PCDHGA5: variants seen among roughly 807,000 people sequenced by gnomAD.
PCDHGA5 encodes protocadherin gamma-A5.
PCDHGA5 carries 36 observed loss-of-function variants against 56.7 expected under a neutral mutation model. The ratio of observed to expected loss-of-function variants is 0.64; its 90% CI spans 0.49 to 0.84. The LOEUF is 0.84. Among genes scored for constraint, PCDHGA5 ranks in the 40% least tolerant of loss-of-function variants. PCDHGA5 has a pLI of 0.00. For synonymous variants in PCDHGA5, 563 were observed against 520.2 expected (o/e 1.08, Z -1.12); for missense variants, 1,305 against 1,201.5 (o/e 1.09, Z -1.27).
chr5:141,395,459 T>C (rs2093235244), intron 1 of PCDHGA5: 1 of 602,046 alleles, frequency 1.7e-6, no homozygotes, highest in African/African-American at 1.9e-5. Context: ...TCAACCATTT[T>C]AAGCCTTCCA....
chr5:141,453,111 G>A (rs1040339344), intron 1 of PCDHGA5, among the ~76,000 whole-genome samples: 5 of 151,718 alleles, frequency 3.3e-5, no homozygotes, highest in Non-Finnish European at 5.9e-5. Flanking sequence ...TTTTTGTTTT[G>A]TTTTGTTTTG....
intron 1 of PCDHGA5, chr5:141,384,947 G>A: frequency 6.2e-7 from 1 of 1,614,100 alleles, no homozygotes; most frequent in Non-Finnish European, 8.5e-7. Context: ...CCCTCCGACG[G>A]TCCTTACAAC....
At position 141,485,321 on chromosome 5, in the gene PCDHGA5, C is replaced by G. The variant is rs780179631; in HGVS notation, c.2422-9486C>G. The G allele has an allele frequency of 6.2e-7, 1 of 1,614,154 alleles. No homozygotes were observed. Among genetic ancestry groups the G allele is most frequent in the Non-Finnish European group, 8.5e-7 (1 of 1,180,024 alleles). On this transcript the variant is annotated intron_variant, in intron 1 of 3. Transcript: ENST00000518069. This position sits in a 1 kb window ranked among gnomAD's most constrained non-coding sequence, Gnocchi z 5.7. The stretch of plus-strand genomic sequence containing the variant: ...AGGGACTTTTGTAGGGAATGTCGCT[C>G]AAGATTTCCTGCTGGATACGGACAG...
At chr5:141,428,105 G>T in intron 1 of PCDHGA5, 4 of 1,608,184 alleles carry the variant, frequency 2.5e-6, no homozygotes, top group Non-Finnish European at 2.5e-6. Context: ...ACCACGTGCT[G>T]CAGGCCATCG....
chr5:141,441,692 G>A (rs1165171238), intron 1 of PCDHGA5: 2 of 301,376 alleles, frequency 6.6e-6, no homozygotes, highest in Non-Finnish European at 1.3e-5. Context: ...AAGAGCAGCC[G>A]CGAGCCTTCA....
At chr5:141,395,264 A>G in intron 1 of PCDHGA5, 1 of 1,549,832 alleles carries the variant, frequency 6.5e-7, no homozygotes, top group Non-Finnish European at 8.7e-7. Flanking sequence ...GCTTGCTTTT[A>G]ATTTCCAGAT....
intron 1 of PCDHGA5, chr5:141,377,922 C>A (rs1453139299): frequency 6.6e-6 from 1 of 152,166 alleles, no homozygotes; most frequent in East Asian, 1.9e-4. Context: ...TAAAAATCCA[C>A]CTGTAACTGC....
At chr5:141,416,362 G>A (rs562901653) in intron 1 of PCDHGA5, 4 of 152,306 alleles carry the variant, frequency 2.6e-5, no homozygotes, top group African/African-American at 7.2e-5. Flanking sequence ...GGAGGCTATA[G>A]AGGGTGAAAT....
chr5:141,393,080 G>A (rs747012880), intron 1 of PCDHGA5: 1 of 1,613,694 alleles, frequency 6.2e-7, no homozygotes, highest in Non-Finnish European at 8.5e-7. Flanking sequence ...CCGCGGGCAG[G>A]ATAGATCGGG....
At position 141,432,003 on chromosome 5, in the gene PCDHGA5, T is replaced by A; in HGVS notation, c.2422-62804T>A. On this transcript the variant is annotated intron_variant, in intron 1 of 3. Coordinates refer to ENST00000518069, the MANE Select transcript of PCDHGA5 (RefSeq NM_018918.3). This position sits in a 1 kb window ranked among gnomAD's most constrained non-coding sequence, Gnocchi z 6.0. ...GACATAGTCTTGGATAGGGAACAGG[T>A]TCCTAGCTACAACATCACAGTGACC... The A allele has an allele frequency of 6.2e-7, 1 of 1,614,116 alleles. No individual in the cohort carries two copies.
rs758216080 is a variant in PCDHGA5, at chr5:141,398,809, C to A, written c.2421+32058C>A. 1.3e-5 allele frequency: 21 copies of A among 1,613,854 alleles called. No individual in the cohort carries two copies. In the South Asian group the frequency reaches 2.1e-4, roughly 16 times the overall value. On this transcript the variant is annotated intron_variant, in intron 1 of 3. Coordinates refer to ENST00000518069, the MANE Select transcript of PCDHGA5 (RefSeq NM_018918.3). ...TCCACCCCTAAGCGGCACCACTGAG[C>A]TCCGGATCCAGGTAACCGACGCCAA...
In PCDHGA5 at chr5:141,365,027, C is replaced by G; in HGVS notation, c.697C>G (p.Leu233Val). ...SGTTHIRVTV[L>V]DANDNAPLFT... ...CACCACGCACATCCGTGTTACGGTC[C>G]TCGACGCAAACGACAATGCGCCCCT... Residue 233 changes from leucine (L) to valine (V), a missense_variant, in exon 1 of 4, where the codon CTC (leucine) becomes GTC (valine). Transcript: ENST00000518069. 6.2e-7 allele frequency: 1 copy of G among 1,613,896 alleles called. No homozygotes were observed. The highest frequency in any genetic ancestry group is 8.5e-7 in the Non-Finnish European group (1 of 1,179,900).
chr5:141,477,777 A>G lies in PCDHGA5; in HGVS notation c.2422-17030A>G, dbSNP rs775845004. ...GTCCTAGCCACCAACATCAGCGTGA[A>G]CATATTTGTCACTGATCGCAATGAC... is the stretch of plus-strand genomic sequence containing the variant. On this transcript the variant is annotated intron_variant, in intron 1 of 3. Transcript: ENST00000518069. The surrounding 1 kb of genome is among the most constrained non-coding windows in gnomAD (Gnocchi z 4.9). The G allele has an allele frequency of 1.9e-4, 299 of 1,613,944 alleles. No homozygotes were observed. Among genetic ancestry groups the G allele is most frequent in the Non-Finnish European group, 2.5e-4 (295 of 1,180,048 alleles).
intron 1 of PCDHGA5, chr5:141,370,600 T>C: frequency 6.2e-7 from 1 of 1,613,984 alleles, no homozygotes; most frequent in East Asian, 2.2e-5. Flanking sequence ...CTGCGGGTTA[T>C]TGCAGAGAAG....
At position 141,410,612 on chromosome 5, in the gene PCDHGA5, C is replaced by CT. The variant is rs748943892; in HGVS notation, c.2421+43862dup. The CT allele has an allele frequency of 5.6e-6, 9 of 1,605,878 alleles. 1 individual carries two copies. The South Asian group carries it at 9.9e-5, about 18-fold the overall frequency. On this transcript the variant is annotated intron_variant, in intron 1 of 3. Transcript: ENST00000518069. ...GGATTTGACTTCACATCCTGAGACT[C>CT]TGACTTCGGTGAGTTTCTCTTTTTT...
rs768938171 is a variant in PCDHGA5 at position 141,487,276 on chromosome 5, C to T, written c.2422-7531C>T. ...TGGCTGTGTCCCTAGTGGCAATTTG[C>T]TTTGTCTCCTTTGGCTCATTCGTGG... On this transcript the variant is annotated intron_variant, in intron 1 of 3. Transcript: ENST00000518069. The surrounding 1 kb of genome is among the most constrained non-coding windows in gnomAD (Gnocchi z 5.0). The T allele has an allele frequency of 2.5e-6, 4 of 1,614,158 alleles. No homozygotes were observed. The East Asian group carries it at 8.9e-5, about 36-fold the overall frequency.
chr5:141,490,730 A>C lies in PCDHGA5; in HGVS notation c.2422-4077A>C. On this transcript the variant is annotated intron_variant, in intron 1 of 3. Coordinates refer to ENST00000518069, the MANE Select transcript of PCDHGA5 (RefSeq NM_018918.3). This position sits in a 1 kb window ranked among gnomAD's most constrained non-coding sequence, Gnocchi z 5.4. ...CTCACCTACTCCATTGTAGGAAATC[A>C]GGTTCAGGGAGCCCCAGCCTCCTCC... 6.2e-7 allele frequency: 1 copy of C among 1,614,188 alleles called. No homozygotes were observed. Among genetic ancestry groups the C allele is most frequent in the Non-Finnish European group, 8.5e-7 (1 of 1,180,024 alleles).
At chr5:141,430,076 T>C (rs2097260023) in intron 1 of PCDHGA5, among the ~76,000 whole-genome samples, 1 of 152,208 alleles carries the variant, frequency 6.6e-6, no homozygotes, top group South Asian at 2.1e-4. Context: ...GTTTCCATAA[T>C]ATCATGAAAA....
In PCDHGA5 at chr5:141,493,548, G is replaced by A. The variant is rs1243278355; in HGVS notation, c.2422-1259G>A. 3.9e-5 allele frequency among the ~76,000 whole-genome samples: 6 copies of A among 152,196 alleles called. No homozygotes were observed. ...AAACTTGGCCAGTTATCCTTTTGGA[G>A]ATTGAGTTCCCCCAGCTCCGTTTCC... On this transcript the variant is annotated intron_variant, in intron 1 of 3. Coordinates refer to ENST00000518069, the MANE Select transcript of PCDHGA5 (RefSeq NM_018918.3). This position sits in a 1 kb window ranked among gnomAD's most constrained non-coding sequence, Gnocchi z 4.3.
Sources: gnomAD v4.1 joint callset for allele counts (sites outside exome capture counted in the v4.1 genomes callset) on GRCh38, gnomAD v4.1.1 for gene constraint, Gnocchi (gnomAD v3.1) non-coding constraint, MANE v1.5 for transcripts, NCBI Gene and HGNC (gene_info 2026-07-23, HGNC 2026-07-21) for gene names.